Variants in KCNAB2 observed in about 807,000 individuals in gnomAD.
KCNAB2 encodes potassium voltage-gated channel subfamily A regulatory beta subunit 2.
In KCNAB2, 29 loss-of-function variants were observed where a neutral mutation model predicts 63.6. That is an observed-to-expected ratio of 0.46 (90% CI 0.34 to 0.62). The LOEUF is 0.62. Among genes scored for constraint, KCNAB2 ranks in the 20% least tolerant of loss-of-function variants. KCNAB2 has a pLI of 0.01. For missense variants in KCNAB2, 359 were observed against 563.9 expected, an observed-to-expected ratio of 0.64 and a Z score of 3.68; for synonymous variants, 222 against 224.2, an observed-to-expected ratio of 0.99 and a Z score of 0.09.
chr1:6,028,700 T>TG lies in KCNAB2; in HGVS notation c.-52-11812dup, dbSNP rs1557944247. Among the ~76,000 whole-genome samples the TG allele has an allele frequency of 6.6e-6, 1 of 152,216 alleles. No individual in the cohort carries two copies. The highest frequency in any genetic ancestry group is 2.4e-5 in the African/African-American group (1 of 41,462). ...CAGGATATGGTTACAGAGGTGAATC[T>TG]GGGGGAGAGTCCATCGTTGGTGTTG... is the stretch of plus-strand genomic sequence containing the variant. On this transcript the variant is annotated intron_variant, in intron 1 of 16. Coordinates refer to the KCNAB2 transcript ENST00000341524. The surrounding 1 kb of genome is among the most constrained non-coding windows in gnomAD (Gnocchi z 4.0).
chr1:6,072,564 G>T (rs1360539860), intron 2 of KCNAB2, among the ~76,000 whole-genome samples, 191 bp from the exon 3 acceptor site: 1 of 152,198 alleles, frequency 6.6e-6, no homozygotes, highest in African/African-American at 2.4e-5. Flanking sequence ...GTGGGCCGGG[G>T]GCAGTTGGCA....
At chr1:6,037,383 G>A (rs1056323981) in intron 1 of KCNAB2, among the ~76,000 whole-genome samples, 11 of 152,206 alleles carry the variant, frequency 7.2e-5, no homozygotes, top group African/African-American at 2.4e-4. Context: ...CCTGCCTCCC[G>A]TGGGCCGTGT....
At chr1:6,054,056 A>AG (rs1553124508) in intron 2 of KCNAB2, among the ~76,000 whole-genome samples, 94 of 151,504 alleles carry the variant, frequency 6.2e-4, no homozygotes, top group Admixed American at 2.6e-3. Flanking sequence ...AAAAAAAAAA[A>AG]AAGAAGAAGA....
At chr1:6,033,279 G>C (rs979688565), upstream of KCNAB2, among the ~76,000 whole-genome samples, 7 of 131,850 alleles carry the variant, frequency 5.3e-5, no homozygotes, top group Non-Finnish European at 1.2e-4. Flanking sequence ...GTGCATGTGC[G>C]TGTGTGGGCA....
chr1:6,069,661 T>C lies in KCNAB2; in HGVS notation c.219-3094T>C, dbSNP rs952967692. ...TCAAGTACAGCAGGGAGCAGCCCCA[T>C]CCAGACCCGGCTGAGACGTGTGCTC... is the stretch of plus-strand genomic sequence containing the variant. On this transcript the variant is annotated intron_variant, in intron 2 of 15. Transcript: ENST00000378083. The surrounding 1 kb of genome is among the most constrained non-coding windows in gnomAD (Gnocchi z 5.4). Among the ~76,000 whole-genome samples, 7 of 152,270 alleles carry C rather than the reference T, an allele frequency of 4.6e-5. No individual in the cohort carries two copies. The highest frequency in any genetic ancestry group is 1.7e-4 in the African/African-American group (7 of 41,556).
intron 1 of KCNAB2, among the ~76,000 whole-genome samples, chr1:6,037,099 G>A (rs1314737417): frequency 6.6e-6 from 1 of 152,234 alleles, no homozygotes; most frequent in Non-Finnish European, 1.5e-5. Context: ...TAGGCCAGGG[G>A]TCTTCAAAGC....
chr1:6,051,885 C>G, intron 2 of KCNAB2, 131 bp downstream of exon 2: 2 of 1,087,406 alleles, frequency 1.8e-6, no homozygotes, highest in Non-Finnish European at 2.5e-6. Context: ...GGGTGGATCA[C>G]CTGAGATCAG....
chr1:6,092,075 C>A (rs1665237247), intron 10 of KCNAB2, among the ~76,000 whole-genome samples: 1 of 152,214 alleles, frequency 6.6e-6, no homozygotes, highest in African/African-American at 2.4e-5. Flanking sequence ...GCCACCTGAA[C>A]CCCCATGTAT....
rs2100367820 is a variant in KCNAB2 at position 6,028,022 on chromosome 1, C to G, written c.-52-12495C>G. 6.6e-6 allele frequency among the ~76,000 whole-genome samples: 1 copy of G among 152,350 alleles called. No homozygotes were observed. The highest frequency in any genetic ancestry group is 2.1e-4 in the South Asian group (1 of 4,830). On this transcript the variant is annotated intron_variant, in intron 1 of 16. Transcript: ENST00000341524. The surrounding 1 kb of genome is among the most constrained non-coding windows in gnomAD (Gnocchi z 4.0). ...GAACTGGGTTATGTTGACCTCCCAA[C>G]CCCTGCCCACCCTCTGGGGTGTCCT...
chr1:6,096,567 C>G lies in KCNAB2; in HGVS notation c.949-69C>G. The G allele has an allele frequency of 3.2e-6, 5 of 1,542,012 alleles. No homozygotes were observed. Among genetic ancestry groups the G allele is most frequent in the Non-Finnish European group, 4.4e-6 (5 of 1,139,988 alleles). On this transcript the variant is annotated intron_variant, in intron 13 of 15. Coordinates refer to ENST00000378083, the MANE Select transcript of KCNAB2 (RefSeq NM_001199862.2). This position sits in a 1 kb window ranked among gnomAD's most constrained non-coding sequence, Gnocchi z 5.9. ...TCCAGAAGGAATGAGCCCATCGGCC[C>G]CCTGCACGTGGGGGTCCAGGTGACC... is the stretch of plus-strand genomic sequence containing the variant.
chr1:6,080,516 C>T (rs1318331147), intron 4 of KCNAB2, among the ~76,000 whole-genome samples: 12 of 152,294 alleles, frequency 7.9e-5, no homozygotes, highest in Non-Finnish European at 2.9e-5. Flanking sequence ...TGAAAACCGA[C>T]GGCCTCCACC....
chr1:6,098,610 C>T lies in KCNAB2; in HGVS notation c.*36C>T, dbSNP rs752365253. 3.1e-6 allele frequency: 5 copies of T among 1,606,890 alleles called. No individual in the cohort carries two copies. The highest frequency in any genetic ancestry group is 4.3e-6 in the Non-Finnish European group (5 of 1,176,238). On this transcript the variant is annotated 3_prime_UTR_variant, in exon 16 of 16. Transcript: ENST00000378083. The stretch of plus-strand genomic sequence containing the variant: ...CCCGCCTGCTCGGACAGTTTCCGTT[C>T]CCTCCTAGTCTCTGTTCGCTCGCTT...
At chr1:6,022,499 G>T (rs548290697) in intron 1 of KCNAB2, among the ~76,000 whole-genome samples, 26 of 152,194 alleles carry the variant, frequency 1.7e-4, no homozygotes, top group Admixed American at 1.6e-3. Flanking sequence ...CAGTGGTATT[G>T]AGTGTACAGT....
intron 1 of KCNAB2, among the ~76,000 whole-genome samples, chr1:6,000,128 T>C (rs1490488605): frequency 6.6e-6 from 1 of 152,172 alleles, no homozygotes; most frequent in Non-Finnish European, 1.5e-5. Context: ...CTGTGCCCTG[T>C]CTGTCTAGAT....
At position 6,087,377 on chromosome 1, in the gene KCNAB2, C is replaced by T; in HGVS notation, c.426-90C>T. ...TCCTGGGTGGGAGGGCTTTCAGGAC[C>T]TCTGTGTGAGAGATGAGGACGTCGG... On this transcript the variant is annotated intron_variant, in intron 6 of 15. Coordinates refer to ENST00000378083, the MANE Select transcript of KCNAB2 (RefSeq NM_001199862.2). The surrounding 1 kb of genome is among the most constrained non-coding windows in gnomAD (Gnocchi z 6.4). The T allele has an allele frequency of 1.4e-6, 2 of 1,405,404 alleles. No homozygotes were observed. The highest frequency in any genetic ancestry group is 1.7e-5 in the Admixed American group (1 of 59,608). The allele number at this position is 1,405,404 out of a possible 1,614,324, so 87.1% of individuals were successfully genotyped here. A position where few individuals can be genotyped will look rare whatever the true frequency, so the allele number is the denominator to read the frequency against.
chr1:6,072,588 G>T (rs1007544875), intron 2 of KCNAB2, among the ~76,000 whole-genome samples, 167 bp from the exon 3 acceptor site: 2 of 152,198 alleles, frequency 1.3e-5, no homozygotes, highest in South Asian at 2.1e-4. Flanking sequence ...TACCCCCGGG[G>T]TGGGTGAGCA....
intron 1 of KCNAB2, among the ~76,000 whole-genome samples, chr1:6,016,099 C>T (rs1440909419): frequency 1.3e-5 from 2 of 152,212 alleles, no homozygotes; most frequent in Non-Finnish European, 1.5e-5. Context: ...TTTAGTCACT[C>T]GATGGGCCTC....
chr1:6,057,558 C>A (rs1200612398), intron 2 of KCNAB2, among the ~76,000 whole-genome samples: 1 of 152,146 alleles, frequency 6.6e-6, no homozygotes, highest in African/African-American at 2.4e-5. Flanking sequence ...CGGGGTCCAT[C>A]TTGGGAAAGA....
rs1470405868 is a variant in KCNAB2, at chr1:6,087,469, G to A, written c.428G>A (p.Arg143Gln). The A allele has an allele frequency of 6.2e-6, 10 of 1,614,002 alleles. No individual in the cohort carries two copies. Among genetic ancestry groups the A allele is most frequent in the African/African-American group, 1.3e-5 (1 of 74,918 alleles). Reference protein sequence around the residue: ...GNIIKKKGWRRSSLVITTKIF... With the variant: ...GNIIKKKGWRQSSLVITTKIF... ...CTTCTTTCTCTTCTGTTCCACAGGC[G>A]GTCCAGCCTCGTCATCACCACCAAG... Residue 143 changes from arginine (R) to glutamine (Q), a missense_variant and splice_region_variant, in exon 7 of 16, where the codon CGG becomes CAG. Around this residue, in one of 2 missense-constraint regions of KCNAB2, gnomAD observed 271 missense variants for 476.1 expected, o/e 0.57. Coordinates refer to ENST00000378083, the MANE Select transcript of KCNAB2 (RefSeq NM_001199862.2). This position sits in a 1 kb window ranked among gnomAD's most constrained non-coding sequence, Gnocchi z 6.4.
Sources: allele counts gnomAD v4.1 joint callset (sites outside exome capture counted in the v4.1 genomes callset), GRCh38; gene constraint gnomAD v4.1.1; regional missense constraint gnomAD v4.1.1; non-coding constraint Gnocchi (gnomAD v3.1); transcripts MANE v1.5; gene names NCBI Gene and HGNC (gene_info 2026-07-23, HGNC 2026-07-21).